The following PCYOX1L variants were observed in gnomAD, a reference collection of about 807,000 sequenced individuals.
PCYOX1L encodes prenylcysteine oxidase 1-like.
In PCYOX1L, 40 loss-of-function variants were observed where a neutral mutation model predicts 44.1. The observed-to-expected ratio is 0.91, with a 90% CI of 0.70 to 1.18. The LOEUF (loss-of-function observed/expected upper bound fraction) is 1.18. PCYOX1L is among the 50% of genes most tolerant of loss of function. The pLI is 0.00. For missense variants in PCYOX1L, 605 were observed against 653.3 expected, an observed-to-expected ratio of 0.93 and a Z score of 0.81; for synonymous variants, 266 against 282.8, an observed-to-expected ratio of 0.94 and a Z score of 0.60.
In PCYOX1L at chr5:149,364,109, T is replaced by G; in HGVS notation, c.369T>G (p.Thr123=). 1 of 1,614,160 alleles carries G rather than the reference T, an allele frequency of 6.2e-7. No homozygotes were observed. The highest frequency in any genetic ancestry group is 8.5e-7 in the Non-Finnish European group (1 of 1,180,028). ...GGGAGCACTTCATGCTGGAGGAGACTGACTGGTACCTGCTGAACCTCTTCC... is the reference window on the plus strand; with the variant it reads ...GGGAGCACTTCATGCTGGAGGAGACGGACTGGTACCTGCTGAACCTCTTCC... The part of the protein sequence containing the change: ...FGGEHFMLEE[T]DWYLLNLFRL... Residue 123 remains threonine, a synonymous_variant, in exon 3 of 6, where the codon ACT becomes ACG. Coordinates refer to ENST00000274569, the MANE Select transcript of PCYOX1L (RefSeq NM_024028.4).
Position 149,369,432 on chromosome 5 carries a change from G to A in PCYOX1L, c.*778G>A, listed in dbSNP as rs942812999. ...GAGGAATGCAACAATATAAAGAAGAGAAGTCCCCAGATGGTAGAGAGCAGT... is the reference window on the plus strand; with the variant it reads ...GAGGAATGCAACAATATAAAGAAGAAAAGTCCCCAGATGGTAGAGAGCAGT... On this transcript the variant is annotated 3_prime_UTR_variant, in exon 6 of 6. Coordinates refer to ENST00000274569, the MANE Select transcript of PCYOX1L (RefSeq NM_024028.4). 3 of 152,156 alleles carry A rather than the reference G, an allele frequency of 2.0e-5. No homozygotes were observed. The highest frequency in any genetic ancestry group is 4.4e-5 in the Non-Finnish European group (3 of 68,028). The allele number at this position is 152,156 out of a possible 1,614,324, so 9.4% of individuals were successfully genotyped here. A position where few individuals can be genotyped will look rare whatever the true frequency, so the allele number is the denominator to read the frequency against.
intron 4 of PCYOX1L, 134 bp downstream of exon 4, chr5:149,366,287 C>A: frequency 1.1e-6 from 1 of 874,468 alleles, no homozygotes; most frequent in Non-Finnish European, 1.7e-6. Flanking sequence ...CTGCCCCATC[C>A]TGCCTGATTC....
chr5:149,364,253 G>T, intron 3 of PCYOX1L, 43 bp downstream of exon 3: 1 of 1,607,818 alleles, frequency 6.2e-7, no homozygotes. Flanking sequence ...CAGGGGAACC[G>T]AGAAGAGGTG....
chr5:149,364,005 G>A (rs775074361), intron 2 of PCYOX1L, 31 bp from the exon 3 acceptor site: 10 of 1,609,696 alleles, frequency 6.2e-6, no homozygotes, highest in South Asian at 4.4e-5. Flanking sequence ...GTCTTGGAGG[G>A]GACCTGAGGG....
At position 149,358,083 on chromosome 5, in the gene PCYOX1L, C is replaced by G. The variant is rs906431878; in HGVS notation, c.15C>G (p.Ala5=). 2.3e-5 allele frequency: 33 copies of G among 1,427,206 alleles called. No individual in the cohort carries two copies. The highest frequency in any genetic ancestry group is 5.3e-5 in the Admixed American group (2 of 37,910). 88.4% of individuals were successfully genotyped at this position (1,427,206 alleles called of 1,614,324 possible). Residue 5 remains alanine (A), a synonymous_variant, in exon 1 of 6, where the codon GCC becomes GCG. Coordinates refer to ENST00000274569, the MANE Select transcript of PCYOX1L (RefSeq NM_024028.4). MARA[A]PLLAALTALL... is the part of the protein sequence containing the mutation. ...CGCCGCCCGCCATGGCCCGCGCAGC[C>G]CCGCTGCTCGCCGCGTTGACCGCGC...
chr5:149,359,579 G>A (rs1244651815), intron 1 of PCYOX1L, among the ~76,000 whole-genome samples: 2 of 152,090 alleles, frequency 1.3e-5, no homozygotes, highest in Non-Finnish European at 2.9e-5. Flanking sequence ...AATATGCAGG[G>A]CACTCCCCGT....
chr5:149,365,921 C>T, intron 3 of PCYOX1L, 21 bp from the exon 4 acceptor site: 1 of 1,613,714 alleles, frequency 6.2e-7, no homozygotes, highest in Non-Finnish European at 8.5e-7. Context: ...CACAAGGACT[C>T]CAGCTCTATG....
At chr5:149,365,646 G>A in intron 3 of PCYOX1L, 1 of 446,802 alleles carries the variant, frequency 2.2e-6, no homozygotes, top group South Asian at 2.7e-5. Context: ...AAAGGGTTAT[G>A]AACTATGACC....
Position 149,365,958 on chromosome 5 carries a change from G to A in PCYOX1L, c.487G>A (p.Ala163Thr). Residue 163 changes from alanine to threonine, a missense_variant, in exon 4 of 6, where the codon GCC becomes ACC. Ala to Thr is a moderately conservative substitution (Grantham distance 58). Transcript: ENST00000274569. ...EKFMRIYKYQ[A>T]HGYAFSGVEE... ...GTCTTCTAGGATCTATAAGTACCAG[G>A]CCCACGGCTATGCCTTCTCGGGTGT... The A allele has an allele frequency of 6.2e-7, 1 of 1,614,204 alleles. No homozygotes were observed. The highest frequency in any genetic ancestry group is 8.5e-7 in the Non-Finnish European group (1 of 1,180,026).
In PCYOX1L at chr5:149,368,607, A is replaced by G. The variant is rs1226921598; in HGVS notation, c.1438A>G (p.Lys480Glu). ...CAACCGCTGGTACCAGGACCTAGAC[A>G]AGATTGATCAAAAAGATTTGATGCA... ...AYNRWYQDLD[K>E]IDQKDLMHKV... The change falls in exon 6 of 6, where the codon AAG (lysine) becomes GAG (glutamate). Residue 480 changes from lysine to glutamate, a missense_variant. Physicochemically the swap from Lys to Glu is moderately conservative, Grantham distance 56. Transcript: ENST00000274569. The G allele has an allele frequency of 6.5e-7, 1 of 1,536,050 alleles. No individual in the cohort carries two copies. The highest frequency in any genetic ancestry group is 8.7e-7 in the Non-Finnish European group (1 of 1,146,964).
chr5:149,362,077 C>G (rs1310018941), intron 1 of PCYOX1L: 1 of 157,154 alleles, frequency 6.4e-6, no homozygotes, highest in Non-Finnish European at 1.4e-5. Flanking sequence ...GTCTCTGTTG[C>G]AGCTACTCAA....
chr5:149,359,264 C>G lies in PCYOX1L; in HGVS notation c.88+1108C>G, dbSNP rs370681492. Among the ~76,000 whole-genome samples, 15 of 152,334 alleles carry G rather than the reference C, an allele frequency of 9.8e-5. No homozygotes were observed. In the South Asian group the frequency reaches 3.1e-3, roughly 32 times the overall value. On this transcript the variant is annotated intron_variant, in intron 1 of 5. Transcript: ENST00000274569. ...ATCTGATAGAAGCATCACAAACTTA[C>G]AGGGTCCAGTGCAGTGCTAAAGCTT... is the stretch of plus-strand genomic sequence containing the variant.
In PCYOX1L at chr5:149,364,142, G is replaced by A; in HGVS notation, c.402G>A (p.Trp134Ter). 6.2e-7 allele frequency: 1 copy of A among 1,614,190 alleles called. No homozygotes were observed. The highest frequency in any genetic ancestry group is 8.5e-7 in the Non-Finnish European group (1 of 1,180,038). The change falls in exon 3 of 6, where the codon TGG (tryptophan) becomes TGA (stop). Residue 134 changes from tryptophan to a stop codon, truncating the protein, a stop_gained. Transcript: ENST00000274569. LOFTEE classifies it high-confidence loss of function. ...ACCTGCTGAACCTCTTCCGCCTCTG[G>A]TGGCACTATGGCATCAGCTTCCTGA... is the stretch of plus-strand genomic sequence containing the variant. ...DWYLLNLFRL[W>*]WHYGISFLRL...
intron 3 of PCYOX1L, chr5:149,365,575 C>T (rs886548143): frequency 1.8e-5 from 5 of 271,628 alleles, no homozygotes; most frequent in South Asian, 4.7e-5. Flanking sequence ...GTGGCAGAAC[C>T]GACACTGTTG....
At position 149,366,085 on chromosome 5, in the gene PCYOX1L, TTGA is replaced by T. The variant is rs763052847; in HGVS notation, c.620_622del (p.Asp207del). The T allele has an allele frequency of 3.7e-6, 6 of 1,614,206 alleles. No homozygotes were observed. In the Admixed American group the frequency reaches 8.3e-5, roughly 22 times the overall value. On this transcript the variant is annotated inframe_deletion, in exon 4 of 6. Coordinates refer to ENST00000274569, the MANE Select transcript of PCYOX1L (RefSeq NM_024028.4). ...CAGGTGGGCGTCACGCAGCGCTTTA[TTGA>T]TGATGTCGTTTCTGCTGTCCTGCGG...
At position 149,358,098 on chromosome 5, in the gene PCYOX1L, G is replaced by C; in HGVS notation, c.30G>C (p.Ala10=). Reference sequence around the variant, plus strand: ...CCCGCGCAGCCCCGCTGCTCGCCGCGTTGACCGCGCTCCTCGCCGCCGCCG... The same window carrying C: ...CCCGCGCAGCCCCGCTGCTCGCCGCCTTGACCGCGCTCCTCGCCGCCGCCG... MARAAPLLA[A]LTALLAAAAA... Residue 10 remains alanine (A), a synonymous_variant, in exon 1 of 6, where the codon GCG becomes GCC. Transcript: ENST00000274569. 2 of 1,448,432 alleles carry C rather than the reference G, an allele frequency of 1.4e-6. No homozygotes were observed. Among genetic ancestry groups the C allele is most frequent in the South Asian group, 2.7e-5 (2 of 74,292 alleles). The allele number at this position is 1,448,432 out of a possible 1,614,324, so 89.7% of individuals were successfully genotyped here.
Position 149,367,448 on chromosome 5 carries a change from C to G in PCYOX1L, c.771C>G (p.Thr257=). 1 of 1,613,926 alleles carries G rather than the reference C, an allele frequency of 6.2e-7. No homozygotes were observed. The highest frequency in any genetic ancestry group is 8.5e-7 in the Non-Finnish European group (1 of 1,179,874). Residue 257 remains threonine, a synonymous_variant, in exon 5 of 6, where the codon ACC becomes ACG. Transcript: ENST00000274569. ...KLVCSGLLKL[T]KANVIHATVT... ...TTTGTTCCGGTTTGCTGAAGCTCACCAAGGCCAATGTGATCCATGCCACAG... is the reference window on the plus strand; with the variant it reads ...TTTGTTCCGGTTTGCTGAAGCTCACGAAGGCCAATGTGATCCATGCCACAG...
At chr5:149,367,108 C>G (rs1450423463) in intron 4 of PCYOX1L, among the ~76,000 whole-genome samples, 1 of 152,190 alleles carries the variant, frequency 6.6e-6, no homozygotes, top group Non-Finnish European at 1.5e-5. Context: ...TTTGCCTAGT[C>G]TGGGCATTCT....
intron 4 of PCYOX1L, 148 bp downstream of exon 4, chr5:149,366,301 G>A: frequency 1.3e-6 from 1 of 797,638 alleles, no homozygotes; most frequent in Non-Finnish European, 2.0e-6. Flanking sequence ...CTGATTCTGG[G>A]ACTGGCCATG....
Sources: allele counts gnomAD v4.1 joint callset (sites outside exome capture counted in the v4.1 genomes callset), GRCh38; gene constraint gnomAD v4.1.1; transcripts MANE v1.5; gene names NCBI Gene and HGNC (gene_info 2026-07-23, HGNC 2026-07-21).